Variants in CDK8 observed in about 807,000 individuals in gnomAD.
CDK8 encodes cyclin dependent kinase 8.
Under a neutral mutation model 71.5 loss-of-function variants are expected in CDK8, and 29 were observed. The ratio of observed to expected loss-of-function variants is 0.41; its 90% CI spans 0.30 to 0.55. The LOEUF is 0.55. Among genes scored for constraint, CDK8 ranks in the 20% least tolerant of loss-of-function variants. The pLI is 0.37. For synonymous variants in CDK8, 161 were observed against 192.1 expected (o/e 0.84, Z 1.34); for missense variants, 288 against 572.6 (o/e 0.50, Z 5.07).
rs901544434 is a variant in CDK8, at chr13:26,255,092, G to GT, written c.128+334dup. ...TAAAACGCCGGGTTAAATGTTTTTT[G>GT]TTTTTTTTTTTCCTTGGTCGATTTA... On this transcript the variant is annotated intron_variant, in intron 1 of 12. Transcript: ENST00000381527. Among the ~76,000 whole-genome samples the GT allele has an allele frequency of 5.9e-3, 817 of 138,240 alleles. 8 individuals carry two copies. The highest frequency in any genetic ancestry group is 0.022 in the African/African-American group (714 of 32,776). The allele number at this position is 138,240 out of a possible 152,430, so 90.7% of individuals were successfully genotyped here.
At chr13:26,319,682 G>A (rs1410614678) in intron 1 of CDK8, among the ~76,000 whole-genome samples, 1 of 112,772 alleles carries the variant, frequency 8.9e-6, no homozygotes, top group Non-Finnish European at 2.0e-5. Flanking sequence ...AATCCAAATG[G>A]CTTTTTTTTT....
chr13:26,367,633 C>G (rs1874453340), intron 4 of CDK8, among the ~76,000 whole-genome samples: 1 of 152,134 alleles, frequency 6.6e-6, no homozygotes, highest in African/African-American at 2.4e-5. Context: ...TCAAGTTGCC[C>G]TGTGAATATT....
At chr13:26,276,151 G>A (rs973553788) in intron 1 of CDK8, among the ~76,000 whole-genome samples, 10 of 152,114 alleles carry the variant, frequency 6.6e-5, no homozygotes, top group Admixed American at 2.6e-4. Flanking sequence ...GTGAGTAACC[G>A]GCTGTACCTT....
chr13:26,285,809 C>T (rs577704676), intron 1 of CDK8, among the ~76,000 whole-genome samples: 4 of 152,116 alleles, frequency 2.6e-5, no homozygotes, highest in African/African-American at 7.2e-5. Flanking sequence ...ACAAAATCAG[C>T]GTACACAAAT....
At chr13:26,382,491 T>C (rs1478489600) in intron 4 of CDK8, among the ~76,000 whole-genome samples, 1 of 152,182 alleles carries the variant, frequency 6.6e-6, no homozygotes, top group Non-Finnish European at 1.5e-5. Flanking sequence ...GAGCAAGACA[T>C]TTTATGTACT....
At chr13:26,304,597 C>T (rs1262186382) in intron 1 of CDK8, among the ~76,000 whole-genome samples, 1 of 151,912 alleles carries the variant, frequency 6.6e-6, no homozygotes, top group Non-Finnish European at 1.5e-5. Flanking sequence ...TCCATTTACT[C>T]CCCCAGCCCT....
intron 1 of CDK8, among the ~76,000 whole-genome samples, chr13:26,273,485 A>T (rs1416342374): frequency 1.3e-5 from 2 of 152,034 alleles, no homozygotes; most frequent in African/African-American, 2.4e-5. Flanking sequence ...TTCACTTTTT[A>T]TTCACTAAAT....
At chr13:26,343,784 A>G (rs1028977674) in intron 2 of CDK8, among the ~76,000 whole-genome samples, 1 of 152,180 alleles carries the variant, frequency 6.6e-6, no homozygotes, top group African/African-American at 2.4e-5. Flanking sequence ...ACTTTTTTAC[A>G]TTATAAACTT....
intron 1 of CDK8, among the ~76,000 whole-genome samples, chr13:26,289,185 G>T (rs8000269): frequency 1.3e-5 from 2 of 150,386 alleles, no homozygotes; most frequent in African/African-American, 4.9e-5. Flanking sequence ...CTTCCAAGTA[G>T]CTGGGACTAC....
Position 26,375,156 on chromosome 13 carries a change from T to G in CDK8, c.457-7658T>G, listed in dbSNP as rs1874886684. ...ATATTTAGTTTGATGCCTTTTAAAT[T>G]TTATAAGGAGAAAAAAACCAAAAAG... is the stretch of plus-strand genomic sequence containing the variant. On this transcript the variant is annotated intron_variant, in intron 4 of 12. Coordinates refer to ENST00000381527, the MANE Select transcript of CDK8 (RefSeq NM_001260.3). Among the ~76,000 whole-genome samples the G allele has an allele frequency of 2.6e-5, 4 of 152,284 alleles. No individual in the cohort carries two copies. In the South Asian group the frequency reaches 8.3e-4, roughly 32 times the overall value.
At chr13:26,269,729 C>T (rs1872209862) in intron 1 of CDK8, among the ~76,000 whole-genome samples, 1 of 152,106 alleles carries the variant, frequency 6.6e-6, no homozygotes, top group African/African-American at 2.4e-5. Context: ...TAACTGGACT[C>T]ACTGAATTTA....
chr13:26,323,956 C>T (rs760676428), intron 1 of CDK8, among the ~76,000 whole-genome samples: 15 of 152,128 alleles, frequency 9.9e-5, no homozygotes, highest in Admixed American at 6.6e-5. Context: ...TACTTAATCA[C>T]TATGCCAGAC....
At chr13:26,402,666 C>T (rs1013558145) in intron 12 of CDK8, among the ~76,000 whole-genome samples, 6 of 152,210 alleles carry the variant, frequency 3.9e-5, no homozygotes, top group African/African-American at 1.4e-4. Context: ...GGGCAGACAG[C>T]TGTGGGAGTT....
chr13:26,337,505 CT>C, intron 1 of CDK8, 61 bp from the exon 2 acceptor site: 1 of 612,824 alleles, frequency 1.6e-6, no homozygotes, highest in Non-Finnish European at 2.6e-6. Flanking sequence ...TTATATTTTA[CT>C]TTATAAAAAT....
chr13:26,263,809 C>A (rs539769554), intron 1 of CDK8, among the ~76,000 whole-genome samples: 27 of 149,166 alleles, frequency 1.8e-4, no homozygotes, highest in Non-Finnish European at 3.8e-4. Context: ...TGCAGTGGCA[C>A]GATCTCGGCT....
At chr13:26,289,883 A>G (rs549638539) in intron 1 of CDK8, among the ~76,000 whole-genome samples, 8 of 152,288 alleles carry the variant, frequency 5.3e-5, no homozygotes, top group Admixed American at 2.0e-4. Context: ...TTAAGGATTC[A>G]TCTAATTCTT....
At chr13:26,276,662 T>G (rs778559099) in intron 1 of CDK8, among the ~76,000 whole-genome samples, 5 of 152,222 alleles carry the variant, frequency 3.3e-5, no homozygotes, top group Admixed American at 1.3e-4. Context: ...TTTAAGATGC[T>G]TAGTGGTAGA....
chr13:26,404,200 T>G lies in CDK8; in HGVS notation c.*119T>G. On this transcript the variant is annotated 3_prime_UTR_variant, in exon 13 of 13. Transcript: ENST00000381527. ...ACTGTACAACCACATCTTCAAAATG[T>G]CCAGTAGCCAAGTTCCACCACTTTT... The G allele has an allele frequency of 8.3e-7, 1 of 1,198,006 alleles. No individual in the cohort carries two copies. The highest frequency in any genetic ancestry group is 1.6e-5 in the South Asian group (1 of 63,578). 74.2% of individuals were successfully genotyped at this position (1,198,006 alleles called of 1,614,324 possible).
intron 1 of CDK8, among the ~76,000 whole-genome samples, chr13:26,323,436 C>T (rs2137951591): frequency 6.6e-6 from 1 of 151,936 alleles, no homozygotes; most frequent in Non-Finnish European, 1.5e-5. Context: ...CTTGAAGACC[C>T]CACCTTCATG....
Sources: allele counts gnomAD v4.1 joint callset (sites outside exome capture counted in the v4.1 genomes callset), GRCh38; gene constraint gnomAD v4.1.1; transcripts MANE v1.5; gene names NCBI Gene and HGNC (gene_info 2026-07-23, HGNC 2026-07-21).